Variants in UPF2 observed in about 807,000 individuals in gnomAD.
UPF2 encodes the protein UPF2 regulator of nonsense mediated mRNA decay.
A neutral mutation model predicts 141.4 loss-of-function variants in UPF2; 17 were observed. The observed-to-expected ratio is 0.12, with a 90% CI of 0.08 to 0.18. UPF2 has a LOEUF of 0.18. Among genes scored for constraint, UPF2 ranks in the 10% least tolerant of loss-of-function variants. The pLI, the probability that UPF2 is intolerant of heterozygous loss-of-function variation, is 1.00. For synonymous variants in UPF2, 540 were observed against 498.0 expected (o/e 1.08, Z -1.12); for missense variants, 1,152 against 1,515.9 (o/e 0.76, Z 3.99).
In UPF2 at chr10:12,035,325, G is replaced by A. The variant is rs1291428390; in HGVS notation, c.99C>T (p.Ser33=). The A allele has an allele frequency of 2.5e-6, 4 of 1,613,680 alleles. No individual in the cohort carries two copies. The Admixed American group carries it at 5.0e-5, about 20-fold the overall frequency. Residue 33 remains serine, a synonymous_variant, in exon 2 of 22, where the codon AGC becomes AGT. Transcript: ENST00000357604. ...TGATATCGTCTTTTGGCCTCTCCTT[G>A]CTGCTCACTGTCCGCCTTTCACTGC... ...KDCSERRTVS[S]KERPKDDIKL...
chr10:12,031,106 G>A (rs1236301921), intron 2 of UPF2, among the ~76,000 whole-genome samples: 8 of 151,284 alleles, frequency 5.3e-5, no homozygotes, highest in South Asian at 2.1e-4. Flanking sequence ...CCCGGGAGGC[G>A]GAGCTTGCAG....
chr10:11,931,836 A>T lies in UPF2; in HGVS notation c.3547-54T>A, dbSNP rs915259802. On this transcript the variant is annotated intron_variant, in intron 19 of 21. Transcript: ENST00000357604. The surrounding 1 kb of genome is among the most constrained non-coding windows in gnomAD (Gnocchi z 5.9). ...ATAGTTTGAGAACACTGAGAGAAAG[A>T]AAAAACAGACTTCAAATAAAATAGC... 6.4e-7 allele frequency: 1 copy of T among 1,550,606 alleles called. No homozygotes were observed. Among genetic ancestry groups the T allele is most frequent in the Non-Finnish European group, 8.7e-7 (1 of 1,152,240 alleles).
At chr10:11,957,953 G>A (rs1380696590) in intron 12 of UPF2, among the ~76,000 whole-genome samples, 1 of 152,186 alleles carries the variant, frequency 6.6e-6, no homozygotes, top group Non-Finnish European at 1.5e-5. Flanking sequence ...TTCCTCATGT[G>A]TAAAACGGGG....
chr10:11,993,532 A>C (rs1833816391), intron 8 of UPF2, among the ~76,000 whole-genome samples: 1 of 151,610 alleles, frequency 6.6e-6, no homozygotes, highest in Admixed American at 6.6e-5. Flanking sequence ...ATTCCAAAAA[A>C]AAAACCAGAC....
At chr10:12,038,663 A>G (rs1834678473) in intron 1 of UPF2, among the ~76,000 whole-genome samples, 2 of 151,832 alleles carry the variant, frequency 1.3e-5, no homozygotes, top group Admixed American at 6.6e-5. Flanking sequence ...CGGGAGGCGG[A>G]GGCTGCAGTA....
At chr10:12,025,918 C>G (rs895727572) in intron 3 of UPF2, among the ~76,000 whole-genome samples, 1 of 152,152 alleles carries the variant, frequency 6.6e-6, no homozygotes, top group Non-Finnish European at 1.5e-5. Flanking sequence ...CCTCAGCCCC[C>G]AAGTAGCTGA....
At chr10:11,926,651 C>A (rs1341040205) in intron 21 of UPF2, among the ~76,000 whole-genome samples, 1 of 152,158 alleles carries the variant, frequency 6.6e-6, no homozygotes, top group Non-Finnish European at 1.5e-5. Context: ...GGTGGGGATG[C>A]CAGTGATGGC....
chr10:12,029,547 A>G (rs542246542), intron 2 of UPF2, 23 bp from the exon 3 acceptor site: 1 of 1,552,054 alleles, frequency 6.4e-7, no homozygotes, highest in South Asian at 1.2e-5. Context: ...AAACAAATAA[A>G]TAAAATACTC....
At chr10:11,982,611 C>T (rs1033434038) in intron 8 of UPF2, among the ~76,000 whole-genome samples, 1 of 152,148 alleles carries the variant, frequency 6.6e-6, no homozygotes, top group Non-Finnish European at 1.5e-5. Context: ...CATATCCCTC[C>T]CAATCCCCTT....
At position 11,948,493 on chromosome 10, in the gene UPF2, T is replaced by C; in HGVS notation, c.3050A>G (p.Lys1017Arg). 1 of 1,612,706 alleles carries C rather than the reference T, an allele frequency of 6.2e-7. No individual in the cohort carries two copies. Among genetic ancestry groups the C allele is most frequent in the Non-Finnish European group, 8.5e-7 (1 of 1,179,894 alleles). ...TTCTGTCATAGAATCTTTTGAGTCT[T>C]TGTCATTTACTAGGCCTTGAAATGA... Reference protein sequence around the residue: ...FLIKLGLVNDKDSKDSMTEGE... With the variant: ...FLIKLGLVNDRDSKDSMTEGE... The change falls in exon 16 of 22, where the codon AAA becomes AGA. Residue 1017 changes from lysine (K) to arginine (R), a missense_variant. This residue lies in a region of UPF2 where 202 missense variants were observed against 223.6 expected (regional missense o/e 0.90). Transcript: ENST00000357604.
At chr10:12,031,511 A>T (rs1181356855) in intron 2 of UPF2, among the ~76,000 whole-genome samples, 1 of 152,230 alleles carries the variant, frequency 6.6e-6, no homozygotes, top group Non-Finnish European at 1.5e-5. Flanking sequence ...TTTTTGAGAT[A>T]ACAAAACACA....
chr10:11,968,269 G>T (rs1833356119), intron 9 of UPF2, among the ~76,000 whole-genome samples: 3 of 152,138 alleles, frequency 2.0e-5, no homozygotes, highest in Non-Finnish European at 1.5e-5. Flanking sequence ...GATGTGCTCT[G>T]CAAAACAGTT....
In UPF2 at chr10:11,956,627, G is replaced by C. The variant is rs561209755; in HGVS notation, c.2371-104C>G. The stretch of plus-strand genomic sequence containing the variant: ...GATTGCGCAGAGAACTTTTGAAATA[G>C]AAAATACATTAGAAATCCTCTATCG... On this transcript the variant is annotated intron_variant, in intron 12 of 21. Transcript: ENST00000357604. This position sits in a 1 kb window ranked among gnomAD's most constrained non-coding sequence, Gnocchi z 4.2. The C allele has an allele frequency of 1.6e-4, 163 of 992,158 alleles. 2 individuals are homozygous for C. Among genetic ancestry groups the C allele is most frequent in the South Asian group, 1.3e-3 (91 of 68,946 alleles). The allele number at this position is 992,158 out of a possible 1,614,324, so 61.5% of individuals were successfully genotyped here. A position where few individuals can be genotyped will look rare whatever the true frequency, so the allele number is the denominator to read the frequency against.
intron 1 of UPF2, among the ~76,000 whole-genome samples, chr10:12,039,847 C>T (rs1305630213): frequency 3.9e-5 from 6 of 151,930 alleles, no homozygotes; most frequent in African/African-American, 1.2e-4. Flanking sequence ...CTCAAACTCC[C>T]GACCTCAGGT....
rs537167379 is a variant in UPF2 at position 11,931,331 on chromosome 10, A to G, written c.3688+310T>C. Among the ~76,000 whole-genome samples the G allele has an allele frequency of 6.6e-6, 1 of 152,348 alleles. No individual in the cohort carries two copies. Among genetic ancestry groups the G allele is most frequent in the Admixed American group, 6.5e-5 (1 of 15,310 alleles). On this transcript the variant is annotated intron_variant, in intron 20 of 21. Coordinates refer to ENST00000357604, the MANE Select transcript of UPF2 (RefSeq NM_015542.4). The surrounding 1 kb of genome is among the most constrained non-coding windows in gnomAD (Gnocchi z 5.9). The stretch of plus-strand genomic sequence containing the variant: ...TTTTTTAGAATGCATCCCTGTCATT[A>G]AGCAAGGCATACTGTTTGTTAAATG...
At chr10:11,929,131 A>T (rs191546051) in intron 21 of UPF2, among the ~76,000 whole-genome samples, 19 of 152,382 alleles carry the variant, frequency 1.2e-4, no homozygotes, top group Non-Finnish European at 1.9e-4. Context: ...TGGGCGACAG[A>T]GCAAGACTGT....
At chr10:12,020,088 A>G (rs1370503406) in intron 3 of UPF2, among the ~76,000 whole-genome samples, 3 of 152,092 alleles carry the variant, frequency 2.0e-5, no homozygotes, top group Non-Finnish European at 4.4e-5. Flanking sequence ...TCAATTTTTG[A>G]GTCAAGCATT....
chr10:12,033,747 C>T (rs1368078766), intron 2 of UPF2, among the ~76,000 whole-genome samples: 1 of 152,114 alleles, frequency 6.6e-6, no homozygotes, highest in Non-Finnish European at 1.5e-5. Context: ...CAGGGTCTCG[C>T]TATATTGACC....
chr10:11,977,405 G>A (rs1833523040), intron 9 of UPF2, among the ~76,000 whole-genome samples: 1 of 152,084 alleles, frequency 6.6e-6, no homozygotes. Flanking sequence ...TATGCTCCTG[G>A]AGTTCTGATA....
Sources: allele counts gnomAD v4.1 joint callset (sites outside exome capture counted in the v4.1 genomes callset), GRCh38; gene constraint gnomAD v4.1.1; regional missense constraint gnomAD v4.1.1; non-coding constraint Gnocchi (gnomAD v3.1); transcripts MANE v1.5; gene names NCBI Gene and HGNC (gene_info 2026-07-23, HGNC 2026-07-21).